CCDC150: variants seen among roughly 807,000 people sequenced by gnomAD.
CCDC150 encodes coiled-coil domain-containing protein 150.
In CCDC150, 151 loss-of-function variants were observed where a neutral mutation model predicts 156.5. The observed-to-expected ratio is 0.97, with a 90% CI of 0.85 to 1.10. The LOEUF (loss-of-function observed/expected upper bound fraction) is 1.10, where lower values mean the gene tolerates loss of function less well. Ranked by LOEUF, CCDC150 falls within the 50% of genes least tolerant of loss-of-function variation. The pLI is 0.00. For missense variants in CCDC150, 1,312 were observed against 1,268.1 expected (o/e 1.03, Z -0.53); for synonymous variants, 452 against 429.4 (o/e 1.05, Z -0.65).
intron 13 of CCDC150, among the ~76,000 whole-genome samples, chr2:196,692,183 G>A (rs1267911618): frequency 6.9e-6 from 1 of 145,536 alleles, no homozygotes; most frequent in South Asian, 2.2e-4. Context: ...GCCGGACTGC[G>A]GACTGCAGTG....
At chr2:196,648,343 G>C (rs1692666878) in intron 2 of CCDC150, among the ~76,000 whole-genome samples, 1 of 151,888 alleles carries the variant, frequency 6.6e-6, no homozygotes, top group South Asian at 2.1e-4. Flanking sequence ...ACAGGTGTGA[G>C]GTTTTCTCAC....
chr2:196,695,070 A>G lies in CCDC150; in HGVS notation c.1534A>G (p.Asn512Asp), dbSNP rs540202538. ...GGTAGACATAAATACATTAACTCATAACCTGCAGACTCTTGAAGAAGAGAA... is the reference window on the plus strand; with the variant it reads ...GGTAGACATAAATACATTAACTCATGACCTGCAGACTCTTGAAGAAGAGAA... ...NKVDINTLTH[N>D]LQTLEEENKH... Residue 512 changes from asparagine (N) to aspartate (D), a missense_variant, in exon 14 of 28, where the codon AAC (asparagine) becomes GAC (aspartate). Physicochemically the swap from Asn to Asp is conservative, Grantham distance 23. Coordinates refer to ENST00000389175, the MANE Select transcript of CCDC150 (RefSeq NM_001080539.2). The G allele has an allele frequency of 5.6e-6, 9 of 1,606,624 alleles. No individual in the cohort carries two copies. The highest frequency in any genetic ancestry group is 7.7e-6 in the Non-Finnish European group (9 of 1,175,522).
intron 15 of CCDC150, among the ~76,000 whole-genome samples, chr2:196,710,377 G>T (rs1410580160): frequency 6.7e-6 from 1 of 150,184 alleles, no homozygotes; most frequent in Admixed American, 6.6e-5. Context: ...TTGGGCAGGA[G>T]TGTCCTGTTT....
intron 4 of CCDC150, among the ~76,000 whole-genome samples, chr2:196,658,375 A>G (rs1379955838): frequency 6.6e-6 from 1 of 152,194 alleles, no homozygotes; most frequent in East Asian, 1.9e-4. Context: ...AAGAAAGAGA[A>G]TAAGTAGGGA....
At chr2:196,668,814 G>A (rs866262171) in intron 7 of CCDC150, among the ~76,000 whole-genome samples, 27 of 152,142 alleles carry the variant, frequency 1.8e-4, no homozygotes, top group Admixed American at 1.3e-3. Context: ...GAATTTTCCC[G>A]AAGTCATATA....
Position 196,718,492 on chromosome 2 carries a change from T to G in CCDC150, c.1867-11T>G. ...TGTAATGTTATTTATTGTTTCTTTT[T>G]TCCTACTTAGGTGAAATCTATTCTT... On this transcript the variant is annotated splice_polypyrimidine_tract_variant and intron_variant, in intron 17 of 27. Coordinates refer to ENST00000389175, the MANE Select transcript of CCDC150 (RefSeq NM_001080539.2). 1 of 1,592,750 alleles carries G rather than the reference T, an allele frequency of 6.3e-7. No homozygotes were observed. The highest frequency in any genetic ancestry group is 1.3e-5 in the African/African-American group (1 of 74,568).
intron 8 of CCDC150, among the ~76,000 whole-genome samples, chr2:196,670,638 T>C (rs1333311767): frequency 1.3e-5 from 2 of 151,952 alleles, no homozygotes; most frequent in African/African-American, 4.8e-5. Context: ...TCTTCACTTA[T>C]AACTTTAAAA....
At chr2:196,678,818 A>G (rs565114403) in intron 13 of CCDC150, among the ~76,000 whole-genome samples, 1 of 152,278 alleles carries the variant, frequency 6.6e-6, no homozygotes, top group East Asian at 1.9e-4. Context: ...AGGCATGAGA[A>G]TTGCTTGAAC....
intron 14 of CCDC150, among the ~76,000 whole-genome samples, chr2:196,699,624 A>T (rs144921308): frequency 1.8e-3 from 277 of 152,228 alleles, no homozygotes; most frequent in African/African-American, 6.3e-3. Context: ...GTTTCAAGCA[A>T]TTCTCCTGCC....
At chr2:196,675,937 G>A (rs978085441) in intron 10 of CCDC150, among the ~76,000 whole-genome samples, 3 of 152,116 alleles carry the variant, frequency 2.0e-5, no homozygotes, top group Non-Finnish European at 2.9e-5. Flanking sequence ...GGCTAGTAGA[G>A]CTATAAAATG....
chr2:196,657,673 A>G (rs980190840), intron 4 of CCDC150, among the ~76,000 whole-genome samples: 1 of 152,150 alleles, frequency 6.6e-6, no homozygotes, highest in Non-Finnish European at 1.5e-5. Context: ...AGAGGCAGCA[A>G]AGAATAAGGA....
chr2:196,707,413 G>A (rs1198335132), intron 15 of CCDC150, among the ~76,000 whole-genome samples: 3 of 151,502 alleles, frequency 2.0e-5, no homozygotes, highest in African/African-American at 4.9e-5. Context: ...TTCTTTATTA[G>A]TCTTGCTAGC....
chr2:196,665,898 G>A (rs1439496096), intron 6 of CCDC150, among the ~76,000 whole-genome samples: 1 of 152,024 alleles, frequency 6.6e-6, no homozygotes, highest in African/African-American at 2.4e-5. Flanking sequence ...CTTAATTTAT[G>A]AATCAGAGAG....
At chr2:196,701,428 T>G (rs1348903629) in intron 15 of CCDC150, among the ~76,000 whole-genome samples, 2 of 152,240 alleles carry the variant, frequency 1.3e-5, no homozygotes, top group African/African-American at 2.4e-5. Flanking sequence ...ATAATCATTT[T>G]ATGCATGGTC....
intron 8 of CCDC150, 49 bp from the exon 9 acceptor site, chr2:196,672,296 A>G: frequency 2.2e-6 from 2 of 929,222 alleles, no homozygotes; most frequent in Non-Finnish European, 3.1e-6. Flanking sequence ...ATAGGGGTGC[A>G]CATAGTATCT....
At chr2:196,655,238 G>T (rs1199307963) in intron 2 of CCDC150, among the ~76,000 whole-genome samples, 1 of 152,220 alleles carries the variant, frequency 6.6e-6, no homozygotes, top group Non-Finnish European at 1.5e-5. Flanking sequence ...TCCTCTGAGG[G>T]TATGGCCACT....
At chr2:196,674,401 G>T in intron 10 of CCDC150, 53 bp downstream of exon 10, 1 of 1,084,916 alleles carries the variant, frequency 9.2e-7, no homozygotes, top group Non-Finnish European at 1.4e-6. Flanking sequence ...TGATAGATCA[G>T]GAAATGTTTA....
intron 15 of CCDC150, among the ~76,000 whole-genome samples, chr2:196,701,897 A>C (rs1192145424): frequency 6.6e-6 from 1 of 152,130 alleles, no homozygotes; most frequent in African/African-American, 2.4e-5. Flanking sequence ...GTTCACAGTA[A>C]AATTCTTTCC....
intron 15 of CCDC150, among the ~76,000 whole-genome samples, chr2:196,703,318 C>CGGAACAATACATTACT: frequency 6.6e-6 from 1 of 152,174 alleles, no homozygotes; most frequent in East Asian, 1.9e-4. Flanking sequence ...GCCATGCTTG[C>CGGAACAATACATTACT]GGAACAATAC....
Sources: allele counts gnomAD v4.1 joint callset (sites outside exome capture counted in the v4.1 genomes callset), GRCh38; gene constraint gnomAD v4.1.1; transcripts MANE v1.5; gene names NCBI Gene and HGNC (gene_info 2026-07-23, HGNC 2026-07-21).